RHOT1: variants seen among roughly 807,000 people sequenced by gnomAD.
RHOT1 encodes the protein ras homolog family member T1.
Under a neutral mutation model 95.3 loss-of-function variants are expected in RHOT1, and 27 were observed. The observed-to-expected ratio is 0.28, with a 90% CI of 0.21 to 0.39. The LOEUF is 0.39. RHOT1 is among the 10% of genes least tolerant of loss of function. The pLI is 1.00. For synonymous variants in RHOT1, 227 were observed against 263.5 expected, an observed-to-expected ratio of 0.86 and a Z score of 1.34; for missense variants, 578 against 786.7, an observed-to-expected ratio of 0.73 and a Z score of 3.17.
intron 1 of RHOT1, among the ~76,000 whole-genome samples, chr17:32,161,308 C>G (rs1380718989): frequency 1.3e-5 from 2 of 152,194 alleles, no homozygotes; most frequent in Non-Finnish European, 2.9e-5. Flanking sequence ...ACAGGATCGA[C>G]TGAGTCACAA....
chr17:32,155,316 C>T (rs1395292908), intron 1 of RHOT1, among the ~76,000 whole-genome samples: 4 of 151,814 alleles, frequency 2.6e-5, no homozygotes, highest in East Asian at 2.0e-4. Context: ...CCCACCACCA[C>T]GCCTGGCTAA....
In RHOT1 at chr17:32,206,960, T is replaced by C; in HGVS notation, c.1467T>C (p.Cys489=). 6.2e-7 allele frequency: 1 copy of C among 1,608,978 alleles called. No individual in the cohort carries two copies. Among genetic ancestry groups the C allele is most frequent in the Non-Finnish European group, 8.5e-7 (1 of 1,175,928 alleles). ...SEFLTEAEII[C]DVVCLVYDVS... is the part of the protein sequence containing the mutation. ...TTCTAACTGAAGCTGAAATCATTTG[T>C]GATGTTGTATGCCTGGTATATGATG... The change falls in exon 17 of 20, where the codon TGT becomes TGC. Residue 489 remains cysteine (C), a synonymous_variant. Transcript: ENST00000545287.
At chr17:32,214,202 G>A (rs1025374225) in intron 19 of RHOT1, among the ~76,000 whole-genome samples, 9 of 152,110 alleles carry the variant, frequency 5.9e-5, no homozygotes, top group Admixed American at 5.9e-4. Flanking sequence ...CACAGGTCCC[G>A]GATGGATACT....
chr17:32,181,115 G>A (rs990906754), intron 6 of RHOT1, among the ~76,000 whole-genome samples: 5 of 152,192 alleles, frequency 3.3e-5, no homozygotes, highest in African/African-American at 1.2e-4. Context: ...ATGCTTTCAA[G>A]TGCTTCTCTT....
At chr17:32,199,313 T>A (rs373410191) in intron 12 of RHOT1, 92 bp from the exon 13 acceptor site, 4 of 1,200,984 alleles carry the variant, frequency 3.3e-6, no homozygotes, top group Non-Finnish European at 4.7e-6. Flanking sequence ...TAAGTAGTTT[T>A]AAAAAGCATA....
At chr17:32,195,103 G>T (rs1180571710) in intron 11 of RHOT1, among the ~76,000 whole-genome samples, 2 of 151,038 alleles carry the variant, frequency 1.3e-5, no homozygotes, top group Non-Finnish European at 2.9e-5. Context: ...GGGATTACAG[G>T]CGTGAGCCAC....
At chr17:32,208,448 T>G (rs1395233707) in intron 18 of RHOT1, 139 bp downstream of exon 18, 2 of 823,310 alleles carry the variant, frequency 2.4e-6, no homozygotes, top group African/African-American at 3.4e-5. Context: ...GGTACAAATT[T>G]GAGTAAATGC....
intron 1 of RHOT1, chr17:32,150,437 A>G (rs1157253134): frequency 4.4e-6 from 3 of 686,196 alleles, no homozygotes; most frequent in Non-Finnish European, 7.3e-6. Flanking sequence ...AGTCAGAGAA[A>G]TCCAAAGTCT....
chr17:32,175,574 A>G (rs1033001653), intron 4 of RHOT1, among the ~76,000 whole-genome samples: 5 of 152,140 alleles, frequency 3.3e-5, no homozygotes, highest in African/African-American at 1.2e-4. Context: ...CTCATGCCTC[A>G]GCCTCCCAAG....
chr17:32,211,031 C>CT (rs925223530), intron 18 of RHOT1, 85 bp from the exon 19 acceptor site: 5,007 of 1,192,592 alleles, frequency 4.2e-3, no homozygotes, highest in South Asian at 5.6e-3. Context: ...ATGCCTAAGT[C>CT]TTTTTTTTTT....
At chr17:32,158,798 A>G (rs1207253282) in intron 1 of RHOT1, among the ~76,000 whole-genome samples, 2 of 152,212 alleles carry the variant, frequency 1.3e-5, no homozygotes, top group Non-Finnish European at 2.9e-5. Context: ...TGATAAATAC[A>G]GAGCTCACGT....
At chr17:32,202,956 T>G in intron 15 of RHOT1, 56 bp downstream of exon 15, 1 of 1,558,672 alleles carries the variant, frequency 6.4e-7, no homozygotes, top group Non-Finnish European at 8.8e-7. Context: ...GTTACTAGTT[T>G]ACATAATGTT....
intron 11 of RHOT1, among the ~76,000 whole-genome samples, chr17:32,198,382 G>A (rs2037061449): frequency 6.6e-6 from 1 of 152,154 alleles, no homozygotes; most frequent in African/African-American, 2.4e-5. Flanking sequence ...AGTATTATTT[G>A]TAAATTTTTT....
intron 1 of RHOT1, among the ~76,000 whole-genome samples, chr17:32,154,072 G>A (rs1440510535): frequency 6.6e-6 from 1 of 151,896 alleles, no homozygotes; most frequent in Non-Finnish European, 1.5e-5. Context: ...GGAGGCCAAG[G>A]TGGGAGGATT....
In RHOT1 at chr17:32,151,040, T is replaced by C; in HGVS notation, c.37+8311T>C. On this transcript the variant is annotated intron_variant, in intron 1 of 19. Coordinates refer to ENST00000545287, the MANE Select transcript of RHOT1 (RefSeq NM_001033566.3). ...CTGGGAGTGGGGGAAGAGGGGAGAT[T>C]GTGGTCTGTTCTTGGAGAAGGCATT... 2.8e-6 allele frequency: 4 copies of C among 1,432,134 alleles called. No individual in the cohort carries two copies. In the South Asian group the frequency reaches 5.0e-5, roughly 18 times the overall value. The allele number at this position is 1,432,134 out of a possible 1,614,324, so 88.7% of individuals were successfully genotyped here.
chr17:32,197,397 T>A lies in RHOT1; in HGVS notation c.870-1550T>A, dbSNP rs1015665548. On this transcript the variant is annotated intron_variant, in intron 11 of 19. Transcript: ENST00000545287. ...GTGCGTGCCACCACACCCAGCTAAT[T>A]TTCTTTTTTCTTCTTTTTTCTTATT... is the stretch of plus-strand genomic sequence containing the variant. Among the ~76,000 whole-genome samples the A allele has an allele frequency of 2.7e-5, 4 of 150,486 alleles. No individual in the cohort carries two copies. The East Asian group carries it at 8.1e-4, about 31-fold the overall frequency.
In RHOT1 at chr17:32,202,753, A is replaced by T; in HGVS notation, c.1202-17A>T. ...TGGTACATATTTAGTGGGGTTTTTT[A>T]TTATTATTATTTTTAGTGACAAGAG... On this transcript the variant is annotated splice_polypyrimidine_tract_variant and intron_variant, in intron 14 of 19. Coordinates refer to ENST00000545287, the MANE Select transcript of RHOT1 (RefSeq NM_001033566.3). 3 of 1,534,078 alleles carry T rather than the reference A, an allele frequency of 2.0e-6. No individual in the cohort carries two copies. The highest frequency in any genetic ancestry group is 1.2e-5 in the South Asian group (1 of 83,830).
At chr17:32,177,804 C>T (rs1171955873) in intron 6 of RHOT1, among the ~76,000 whole-genome samples, 1 of 150,272 alleles carries the variant, frequency 6.7e-6, no homozygotes, top group Non-Finnish European at 1.5e-5. Flanking sequence ...CTGCAGCCCC[C>T]AGTGACATCT....
chr17:32,210,721 T>C (rs988515774), intron 18 of RHOT1, among the ~76,000 whole-genome samples: 16 of 152,168 alleles, frequency 1.1e-4, no homozygotes, highest in Admixed American at 3.3e-4. Flanking sequence ...AATCGTTATT[T>C]AAACGCTAGC....
Sources: gnomAD v4.1 joint callset for allele counts (sites outside exome capture counted in the v4.1 genomes callset) on GRCh38, gnomAD v4.1.1 for gene constraint, MANE v1.5 for transcripts, NCBI Gene and HGNC (gene_info 2026-07-23, HGNC 2026-07-21) for gene names.